ASCC3: variants seen among roughly 807,000 people sequenced by gnomAD.
ASCC3 encodes the protein activating signal cointegrator 1 complex subunit 3.
ASCC3 carries 158 observed loss-of-function variants against 256.3 expected under a neutral mutation model. The observed-to-expected ratio is 0.62, with a 90% CI of 0.54 to 0.70. The LOEUF is 0.70. Ranked by LOEUF, ASCC3 falls within the 30% of genes least tolerant of loss-of-function variation. The pLI is 0.00. For synonymous variants in ASCC3, 948 were observed against 883.4 expected, an observed-to-expected ratio of 1.07 and a Z score of -1.30; for missense variants, 2,259 against 2,626.0, an observed-to-expected ratio of 0.86 and a Z score of 3.05.
chr6:100,628,125 A>G (rs1774342299), intron 27 of ASCC3, 138 bp from the exon 28 acceptor site: 1 of 942,788 alleles, frequency 1.1e-6, no homozygotes, highest in Non-Finnish European at 1.6e-6. Context: ...TAAAGCTAGA[A>G]CTACCAAAGG....
At chr6:100,802,870 T>C (rs1769988164) in intron 5 of ASCC3, among the ~76,000 whole-genome samples, 1 of 151,726 alleles carries the variant, frequency 6.6e-6, no homozygotes, top group South Asian at 2.1e-4. Context: ...TAACCAGGCA[T>C]GGTGGCACAC....
chr6:100,624,137 GAA>G, intron 30 of ASCC3, among the ~76,000 whole-genome samples: 1 of 151,406 alleles, frequency 6.6e-6, no homozygotes, highest in East Asian at 1.9e-4. Flanking sequence ...AAGACACCAT[GAA>G]AAAAAGACAA....
At chr6:100,582,798 G>C (rs577593722) in intron 36 of ASCC3, among the ~76,000 whole-genome samples, 13 of 152,114 alleles carry the variant, frequency 8.5e-5, no homozygotes, top group East Asian at 7.7e-4. Flanking sequence ...TAGCATGAAG[G>C]GTTGTTGAAT....
rs1773885793 is a variant in ASCC3 at position 100,874,319 on chromosome 6, A to G, written c.-41-6281T>C. ...CGTCTCTACTAAAAATACAGAAATT[A>G]GTTGGGCGTGGTGGTGCGCACCTGT... On this transcript the variant is annotated intron_variant, in intron 1 of 41. Coordinates refer to ENST00000369162, the MANE Select transcript of ASCC3 (RefSeq NM_006828.4). 2.0e-5 allele frequency among the ~76,000 whole-genome samples: 3 copies of G among 151,954 alleles called. No individual in the cohort carries two copies. In the South Asian group the frequency reaches 6.2e-4, roughly 32 times the overall value.
At position 100,662,482 on chromosome 6, in the gene ASCC3, T is replaced by C; in HGVS notation, c.2341A>G (p.Ile781Val). 1.2e-6 allele frequency: 2 copies of C among 1,613,252 alleles called. No homozygotes were observed. The highest frequency in any genetic ancestry group is 1.7e-6 in the Non-Finnish European group (2 of 1,179,448). The change falls in exon 15 of 42, where the codon ATT becomes GTT. Residue 781 changes from isoleucine to valine, a missense_variant. Ile to Val is a conservative substitution (Grantham distance 29, BLOSUM62 3). Around this residue, in one of 2 missense-constraint regions of ASCC3, gnomAD observed 1,839 missense variants for 2,206.7 expected, o/e 0.83. Transcript: ENST00000369162. The stretch of plus-strand genomic sequence containing the variant: ...TGCCGAAGCATTCCTGCATGATGAA[T>C]ACTAAAACCATCTGGGAATAATTCT... ...VRELFPDGFS[I>V]HHAGMLRQDR...
intron 8 of ASCC3, among the ~76,000 whole-genome samples, chr6:100,775,563 C>T (rs1782147887): frequency 6.6e-6 from 1 of 151,912 alleles, no homozygotes; most frequent in South Asian, 2.1e-4. Context: ...TAAGTATCCT[C>T]TACATTTATT....
intron 36 of ASCC3, among the ~76,000 whole-genome samples, chr6:100,572,057 T>C (rs1770617723): frequency 2.0e-5 from 3 of 152,122 alleles, no homozygotes; most frequent in Admixed American, 1.3e-4. Flanking sequence ...TGTGAGAAAA[T>C]GATCAGGAGA....
intron 10 of ASCC3, among the ~76,000 whole-genome samples, chr6:100,745,168 A>G (rs1438820670): frequency 3.4e-4 from 51 of 152,148 alleles, no homozygotes; most frequent in Admixed American, 3.3e-3. Flanking sequence ...CTCTACTAAA[A>G]ATACAAAAAT....
intron 13 of ASCC3, among the ~76,000 whole-genome samples, chr6:100,682,104 G>T (rs1777337638): frequency 6.6e-6 from 1 of 152,018 alleles, no homozygotes. Context: ...TTTTTAAAGA[G>T]CAAGGCAAAT....
Position 100,864,099 on chromosome 6 carries a change from TCTTCATTTATA to T in ASCC3, c.195_205del (p.Ser65ArgfsTer16). The T allele has an allele frequency of 6.3e-7, 1 of 1,595,274 alleles. No individual in the cohort carries two copies. The highest frequency in any genetic ancestry group is 1.1e-5 in the South Asian group (1 of 90,184). On this transcript the variant is annotated frameshift_variant, in exon 3 of 42. Transcript: ENST00000369162. LOFTEE classifies it high-confidence loss of function. Reference sequence around the variant, plus strand: ...TGCAGCATGTAATATATCTTTTAAGTCTTCATTTATACTTTGCATTTTACTCTTCTCCAGTT... The same window carrying T: ...TGCAGCATGTAATATATCTTTTAAGTCTTTGCATTTTACTCTTCTCCAGTT...
At chr6:100,670,859 G>A (rs1006166155) in intron 14 of ASCC3, among the ~76,000 whole-genome samples, 9 of 151,942 alleles carry the variant, frequency 5.9e-5, no homozygotes, top group African/African-American at 1.9e-4. Flanking sequence ...GAGTAGGAGC[G>A]AAAATGTGTA....
intron 30 of ASCC3, among the ~76,000 whole-genome samples, chr6:100,623,488 C>A (rs1774067803): frequency 1.3e-5 from 2 of 152,100 alleles, no homozygotes; most frequent in Admixed American, 1.3e-4. Flanking sequence ...CCTACTAACT[C>A]TAAATGAGTC....
intron 33 of ASCC3, among the ~76,000 whole-genome samples, chr6:100,604,631 A>G (rs1772795983): frequency 6.6e-6 from 1 of 151,494 alleles, no homozygotes; most frequent in South Asian, 2.1e-4. Flanking sequence ...TTTTTTGTAG[A>G]GACAGGATCT....
At chr6:100,612,786 T>C (rs1359453549) in intron 30 of ASCC3, among the ~76,000 whole-genome samples, 1 of 151,906 alleles carries the variant, frequency 6.6e-6, no homozygotes, top group Non-Finnish European at 1.5e-5. Flanking sequence ...AAAAGAATAG[T>C]TTCTAAACTG....
chr6:100,851,953 T>C (rs1281260101), intron 3 of ASCC3, among the ~76,000 whole-genome samples: 1 of 152,154 alleles, frequency 6.6e-6, no homozygotes, highest in African/African-American at 2.4e-5. Flanking sequence ...CACCCCGGCT[T>C]GTCTTCCCTA....
chr6:100,669,726 GAAAC>G (rs1776648520), intron 14 of ASCC3, among the ~76,000 whole-genome samples: 1 of 151,566 alleles, frequency 6.6e-6, no homozygotes, highest in African/African-American at 2.4e-5. Context: ...TAAAAAAGAA[GAAAC>G]AATAAGATCA....
intron 37 of ASCC3, among the ~76,000 whole-genome samples, chr6:100,532,483 C>T (rs1297355335): frequency 5.5e-4 from 81 of 146,376 alleles, no homozygotes; most frequent in African/African-American, 1.9e-3. Flanking sequence ...TCTCTGTTCA[C>T]TTACTGACAC....
chr6:100,535,203 G>T (rs1006225130), intron 37 of ASCC3, among the ~76,000 whole-genome samples: 1 of 152,134 alleles, frequency 6.6e-6, no homozygotes, highest in African/African-American at 2.4e-5. Flanking sequence ...TCATGCTGAT[G>T]TCCCATGAGA....
intron 37 of ASCC3, among the ~76,000 whole-genome samples, chr6:100,536,369 T>C (rs892540887): frequency 5.3e-5 from 8 of 152,138 alleles, no homozygotes; most frequent in African/African-American, 1.7e-4. Context: ...GGGAGGTAAA[T>C]GGACATGCAA....
Sources: gnomAD v4.1 joint callset for allele counts (sites outside exome capture counted in the v4.1 genomes callset) on GRCh38, gnomAD v4.1.1 for gene constraint, gnomAD v4.1.1 regional missense constraint, MANE v1.5 for transcripts, NCBI Gene and HGNC (gene_info 2026-07-23, HGNC 2026-07-21) for gene names.